SCHIP1: variants seen among roughly 807,000 people sequenced by gnomAD.
SCHIP1 encodes schwannomin interacting protein 1.
In SCHIP1, 8 loss-of-function variants were observed where a neutral mutation model predicts 29.7. The observed-to-expected ratio is 0.27, with a 90% CI of 0.16 to 0.49. The LOEUF is 0.49. Ranked by LOEUF, SCHIP1 falls within the 20% of genes least tolerant of loss-of-function variation. SCHIP1 has a pLI of 0.99. For missense variants in SCHIP1, 193 were observed against 294.6 expected (o/e 0.66, Z 2.52); for synonymous variants, 76 against 94.9 (o/e 0.80, Z 1.16).
the SCHIP1 span, among the ~76,000 whole-genome samples, chr3:159,724,677 C>T: frequency 1.3e-5 from 2 of 152,020 alleles, no homozygotes; most frequent in African/African-American, 2.4e-5. Flanking sequence ...TTTGAAATAT[C>T]GGGGAGGATG....
the SCHIP1 span, among the ~76,000 whole-genome samples, chr3:159,802,575 G>T: frequency 2.3e-4 from 35 of 152,198 alleles, no homozygotes. Flanking sequence ...CCATGTCTGA[G>T]AGGTGACCTT....
At chr3:159,812,118 G>A in the SCHIP1 span, among the ~76,000 whole-genome samples, 876 of 151,712 alleles carry the variant, frequency 5.8e-3, 4 homozygotes, top group African/African-American at 0.014. Flanking sequence ...TTACAGACAC[G>A]TGCTACCATG....
chr3:159,322,477 T>A, the SCHIP1 span, among the ~76,000 whole-genome samples: 5 of 152,110 alleles, frequency 3.3e-5, no homozygotes, highest in African/African-American at 1.2e-4. Context: ...GAATCAATCC[T>A]CCACTTCACC....
chr3:159,722,496 T>C, the SCHIP1 span: 1 of 152,290 alleles, frequency 6.6e-6, no homozygotes, highest in South Asian at 2.1e-4. Flanking sequence ...TATAATTTCA[T>C]TTACATTTAG....
At chr3:159,780,901 C>T in the SCHIP1 span, among the ~76,000 whole-genome samples, 1 of 152,206 alleles carries the variant, frequency 6.6e-6, no homozygotes, top group Non-Finnish European at 1.5e-5. Context: ...TGCCTGTGTG[C>T]TCTGATGCCA....
At chr3:159,307,870 A>T in the SCHIP1 span, among the ~76,000 whole-genome samples, 1 of 152,178 alleles carries the variant, frequency 6.6e-6, no homozygotes, top group Middle Eastern at 3.4e-3. Context: ...CTTGTTGAAG[A>T]TAAGATGGTT....
the SCHIP1 span, among the ~76,000 whole-genome samples, chr3:159,729,898 A>C: frequency 6.6e-6 from 1 of 152,230 alleles, no homozygotes; most frequent in African/African-American, 2.4e-5. Flanking sequence ...ATTGTGGTGT[A>C]TTCCCAGAAG....
chr3:159,376,592 A>G, the SCHIP1 span, among the ~76,000 whole-genome samples: 2 of 152,214 alleles, frequency 1.3e-5, no homozygotes, highest in African/African-American at 4.8e-5. Context: ...TAGGCTTTGG[A>G]AAAGCACTTT....
chr3:159,638,948 G>A, the SCHIP1 span, among the ~76,000 whole-genome samples: 194 of 151,796 alleles, frequency 1.3e-3, no homozygotes, highest in Admixed American at 2.6e-3. Context: ...GGATTATCTC[G>A]AGTGCCCTAC....
intron 2 of SCHIP1, among the ~76,000 whole-genome samples, chr3:159,874,931 A>G (rs1238571382): frequency 6.6e-6 from 1 of 151,478 alleles, no homozygotes; most frequent in African/African-American, 2.4e-5. Context: ...AACCCTTCAT[A>G]TAAGTATTTC....
the SCHIP1 span, among the ~76,000 whole-genome samples, chr3:159,383,540 G>C: frequency 6.6e-6 from 1 of 150,506 alleles, no homozygotes; most frequent in Non-Finnish European, 1.5e-5. Flanking sequence ...GTCAGGTAGT[G>C]TGATGCCTCC....
At chr3:159,498,930 T>TATAC in the SCHIP1 span, among the ~76,000 whole-genome samples, 72 of 152,312 alleles carry the variant, frequency 4.7e-4, no homozygotes, top group Admixed American at 9.2e-4. Flanking sequence ...TCTGTGCAAT[T>TATAC]ATACATTCTT....
At chr3:159,754,127 C>T in the SCHIP1 span, among the ~76,000 whole-genome samples, 1 of 152,196 alleles carries the variant, frequency 6.6e-6, no homozygotes, top group Non-Finnish European at 1.5e-5. Context: ...GTGCCTGACA[C>T]ATAGTAGCTG....
At chr3:159,491,309 C>T in the SCHIP1 span, among the ~76,000 whole-genome samples, 5 of 152,194 alleles carry the variant, frequency 3.3e-5, no homozygotes, top group East Asian at 1.9e-4. Flanking sequence ...GGCGAGGCAT[C>T]GCCTCACCCA....
At chr3:159,276,223 C>T in the SCHIP1 span, among the ~76,000 whole-genome samples, 1 of 152,204 alleles carries the variant, frequency 6.6e-6, no homozygotes, top group Admixed American at 6.5e-5. Context: ...AAGCAACTCC[C>T]CTAGCTACAG....
the SCHIP1 span, among the ~76,000 whole-genome samples, chr3:159,746,730 T>C: frequency 2.0e-5 from 3 of 152,220 alleles, no homozygotes; most frequent in African/African-American, 7.2e-5. Flanking sequence ...ATATTCACTC[T>C]CTTTCCAGCT....
chr3:159,658,525 G>A, the SCHIP1 span, among the ~76,000 whole-genome samples: 24 of 152,232 alleles, frequency 1.6e-4, 1 homozygote, highest in East Asian at 4.3e-3. Flanking sequence ...CATTCCCAAT[G>A]CCCCTGCTGG....
At chr3:159,595,777 T>A in the SCHIP1 span, among the ~76,000 whole-genome samples, 31,295 of 152,162 alleles carry the variant, frequency 0.21, 8,766 homozygotes, top group African/African-American at 0.64. Flanking sequence ...AATGCATGGC[T>A]TTCATTTGTT....
At chr3:159,829,099 A>G in the SCHIP1 span, among the ~76,000 whole-genome samples, 5 of 152,296 alleles carry the variant, frequency 3.3e-5, no homozygotes, top group South Asian at 4.1e-4. Context: ...AGATTTACCT[A>G]TCCGTCAGTT....
Sources: gnomAD v4.1 joint callset for allele counts (sites outside exome capture counted in the v4.1 genomes callset) on GRCh38, gnomAD v4.1.1 for gene constraint, MANE v1.5 for transcripts, NCBI Gene and HGNC (gene_info 2026-07-23, HGNC 2026-07-21) for gene names.